The following IFT74 variants were observed in gnomAD, a reference collection of about 807,000 sequenced individuals.
IFT74 encodes the protein intraflagellar transport 74.
In IFT74, 92 loss-of-function variants were observed where a neutral mutation model predicts 96.7. The observed-to-expected ratio is 0.95, with a 90% confidence interval of 0.80 to 1.13. IFT74 has a LOEUF of 1.13. IFT74 is among the 50% of genes most tolerant of loss of function. IFT74 has a pLI of 0.00. For synonymous variants in IFT74, 223 were observed against 213.2 expected (o/e 1.05, Z -0.40); for missense variants, 811 against 698.2 (o/e 1.16, Z -1.82).
In IFT74 at chr9:27,044,761, C is replaced by T. The variant is rs746271499; in HGVS notation, c.1074C>T (p.Tyr358=). The T allele has an allele frequency of 1.3e-6, 2 of 1,565,932 alleles. No individual in the cohort carries two copies. Among genetic ancestry groups the T allele is most frequent in the South Asian group, 2.3e-5 (2 of 87,520 alleles). ...TCATAGGTGAAATGAACCAGAAATA[C>T]AAGGAGCTAAAGAAAAGGGAGGAAC... ...EEHQGEMNQK[Y]KELKKREEHM... Residue 358 remains tyrosine (Y), a synonymous_variant, in exon 14 of 20, where the codon TAC becomes TAT. Transcript: ENST00000380062.
upstream of IFT74, among the ~76,000 whole-genome samples, chr9:26,954,107 A>C (rs1826011370): frequency 1.3e-5 from 2 of 152,324 alleles, no homozygotes; most frequent in South Asian, 4.1e-4. Context: ...TTATGGATAA[A>C]AATGTGTCCC....
intron 2 of IFT74, among the ~76,000 whole-genome samples, chr9:26,971,409 T>C (rs1382713576): frequency 2.6e-5 from 4 of 152,200 alleles, no homozygotes; most frequent in Non-Finnish European, 5.9e-5. Flanking sequence ...GGGTCTCCAG[T>C]GGGCTCCTTG....
chr9:27,029,760 A>T lies in IFT74; in HGVS notation c.1054+656A>T, dbSNP rs186578091. Among the ~76,000 whole-genome samples the T allele has an allele frequency of 8.1e-3, 1,232 of 152,322 alleles. 9 individuals are homozygous for T. The highest frequency in any genetic ancestry group is 0.012 in the Non-Finnish European group (792 of 68,030). ...TGAAACTCGGTCTCAATAAATAAAT[A>T]AATTAATTAAATAATAATAATATAG... On this transcript the variant is annotated intron_variant, in intron 13 of 19. Transcript: ENST00000380062.
intron 8 of IFT74, among the ~76,000 whole-genome samples, chr9:26,998,671 A>C (rs1007563037): frequency 3.9e-5 from 6 of 152,144 alleles, no homozygotes; most frequent in African/African-American, 1.4e-4. Context: ...TAACAACATT[A>C]TACCTAGGGC....
intron 6 of IFT74, among the ~76,000 whole-genome samples, chr9:26,985,053 C>A (rs745734465): frequency 6.6e-6 from 1 of 152,136 alleles, no homozygotes; most frequent in South Asian, 2.1e-4. Context: ...ATGGAATCAA[C>A]CTAAATGCCC....
chr9:26,948,943 T>G (rs192512238), intron 1 of IFT74, among the ~76,000 whole-genome samples: 135 of 151,332 alleles, frequency 8.9e-4, no homozygotes, highest in South Asian at 1.3e-3. Flanking sequence ...GTACATGCAT[T>G]TTTTTTTTAA....
chr9:27,019,743 A>T (rs1238951178), intron 12 of IFT74, among the ~76,000 whole-genome samples: 1 of 151,960 alleles, frequency 6.6e-6, no homozygotes, highest in African/African-American at 2.4e-5. Context: ...ATAAACATCC[A>T]TGTACAAGTT....
chr9:26,959,828 A>G (rs1826275763), intron 1 of IFT74, among the ~76,000 whole-genome samples: 1 of 152,166 alleles, frequency 6.6e-6, no homozygotes. Context: ...ACAAGGATAA[A>G]TCATTTCTGA....
intron 18 of IFT74, among the ~76,000 whole-genome samples, chr9:27,057,424 T>C (rs1587428092): frequency 6.6e-6 from 1 of 152,326 alleles, no homozygotes; most frequent in East Asian, 1.9e-4. Flanking sequence ...CAGCAATTAT[T>C]TGTTGAATGA....
intron 12 of IFT74, among the ~76,000 whole-genome samples, chr9:27,019,854 T>G (rs965735662): frequency 6.6e-6 from 1 of 152,144 alleles, no homozygotes; most frequent in Non-Finnish European, 1.5e-5. Context: ...ACCAGACTGT[T>G]TTCCAAAACA....
chr9:27,024,786 T>G (rs1422973774), intron 12 of IFT74, among the ~76,000 whole-genome samples: 1 of 151,096 alleles, frequency 6.6e-6, no homozygotes, highest in East Asian at 1.9e-4. Context: ...ATGAAAAAAA[T>G]CTCCAGAGAA....
At chr9:27,002,513 T>C (rs1005377617) in intron 8 of IFT74, among the ~76,000 whole-genome samples, 1 of 152,250 alleles carries the variant, frequency 6.6e-6, no homozygotes, top group African/African-American at 2.4e-5. Context: ...TATATAGTTA[T>C]GCAGTTTTTC....
chr9:27,046,361 G>C (rs991819779), intron 14 of IFT74, among the ~76,000 whole-genome samples: 14 of 152,118 alleles, frequency 9.2e-5, no homozygotes, highest in Admixed American at 6.6e-4. Context: ...TAAGAAAAAA[G>C]TATAATGGGA....
chr9:27,037,479 A>C (rs141827173), intron 13 of IFT74, among the ~76,000 whole-genome samples: 1 of 152,224 alleles, frequency 6.6e-6, no homozygotes, highest in Non-Finnish European at 1.5e-5. Flanking sequence ...TTAGCTGATG[A>C]CCAGGCAGTA....
chr9:27,062,531 G>A (rs1467848426), intron 19 of IFT74, 87 bp from the exon 20 acceptor site: 7 of 694,554 alleles, frequency 1.0e-5, no homozygotes, highest in Non-Finnish European at 1.5e-5. Context: ...ACCATCTTCA[G>A]TATGAAAAAT....
intron 16 of IFT74, 28 bp downstream of exon 16, chr9:27,048,302 TC>T (rs773607240): frequency 7.4e-6 from 11 of 1,477,546 alleles, no homozygotes; most frequent in Middle Eastern, 1.9e-4. Context: ...ATTTTAATAT[TC>T]TTTTTTTTTA....
intron 8 of IFT74, among the ~76,000 whole-genome samples, chr9:26,999,011 C>T (rs115279517): frequency 0.013 from 1,927 of 152,178 alleles, 37 homozygotes; most frequent in African/African-American, 0.044. Flanking sequence ...AGCAATCAAT[C>T]AATCAGTCTG....
At chr9:26,951,648 T>C (rs1825939785), upstream of IFT74, among the ~76,000 whole-genome samples, 1 of 152,162 alleles carries the variant, frequency 6.6e-6, no homozygotes, top group African/African-American at 2.4e-5. Flanking sequence ...CCTGTAATAC[T>C]ACCACTTTGG....
intron 13 of IFT74, among the ~76,000 whole-genome samples, chr9:27,033,536 T>C (rs1378216538): frequency 7.0e-6 from 1 of 143,874 alleles, no homozygotes; most frequent in Non-Finnish European, 1.5e-5. Flanking sequence ...ATCATGCCAC[T>C]GCACTTCAGC....
Sources: gnomAD v4.1 joint callset for allele counts (sites outside exome capture counted in the v4.1 genomes callset) on GRCh38, gnomAD v4.1.1 for gene constraint, MANE v1.5 for transcripts, NCBI Gene and HGNC (gene_info 2026-07-23, HGNC 2026-07-21) for gene names.